MRPL44: variants seen among roughly 807,000 people sequenced by gnomAD.
MRPL44 encodes the protein mitochondrial ribosomal protein L44.
In MRPL44, 21 loss-of-function variants were observed where a neutral mutation model predicts 25.9. That is an observed-to-expected ratio of 0.81 (90% CI 0.58 to 1.17). MRPL44 has a LOEUF of 1.17. MRPL44 is among the 50% of genes most tolerant of loss of function. MRPL44 has a pLI of 0.00. For synonymous variants in MRPL44, 169 were observed against 151.0 expected, an observed-to-expected ratio of 1.12 and a Z score of -0.87; for missense variants, 410 against 398.9, an observed-to-expected ratio of 1.03 and a Z score of -0.24.
At chr2:223,953,425 G>A (rs1689519680), upstream of MRPL44, among the ~76,000 whole-genome samples, 2 of 152,038 alleles carry the variant, frequency 1.3e-5, no homozygotes, top group South Asian at 4.1e-4. Context: ...GAGCCACCGT[G>A]CCAGCCCAGA....
chr2:223,955,692 C>T (rs1310894338), upstream of MRPL44, among the ~76,000 whole-genome samples: 4 of 152,124 alleles, frequency 2.6e-5, no homozygotes, highest in African/African-American at 7.2e-5. Flanking sequence ...AATGAAAACT[C>T]GAAAGTTGTT....
intron 3 of MRPL44, among the ~76,000 whole-genome samples, chr2:223,964,152 A>G (rs1689708675): frequency 1.3e-5 from 2 of 152,206 alleles, no homozygotes; most frequent in South Asian, 4.1e-4. Context: ...TATGCTTAGG[A>G]AGAATCTGAG....
At chr2:223,951,815 G>A in the MRPL44 span, among the ~76,000 whole-genome samples, 1 of 152,086 alleles carries the variant, frequency 6.6e-6, no homozygotes, top group East Asian at 1.9e-4. Context: ...TGTCTATCCC[G>A]CCATCACCTC....
At chr2:223,962,277 C>T (rs571349897) in intron 2 of MRPL44, among the ~76,000 whole-genome samples, 1 of 152,314 alleles carries the variant, frequency 6.6e-6, no homozygotes, top group South Asian at 2.1e-4. Flanking sequence ...ATCCTCCCAC[C>T]TCAGCCTCCC....
chr2:223,950,910 T>A, the MRPL44 span, among the ~76,000 whole-genome samples: 1 of 152,124 alleles, frequency 6.6e-6, no homozygotes, highest in African/African-American at 2.4e-5. Context: ...TAAGAGTACA[T>A]GAAGTCCAAG....
rs35331337 is a variant in MRPL44 at position 223,959,978 on chromosome 2, T to G, written c.624T>G (p.Pro208=). The G allele has an allele frequency of 6.2e-7, 1 of 1,613,226 alleles. No homozygotes were observed. Among genetic ancestry groups the G allele is most frequent in the Non-Finnish European group, 8.5e-7 (1 of 1,179,540 alleles). Residue 208 remains proline (P), a synonymous_variant, in exon 2 of 4, where the codon CCT becomes CCG. Transcript: ENST00000258383. The part of the protein sequence containing the change: ...VIGALLQSSG[P]ERTALFIRDF... ...GAGCCCTGTTACAGAGCAGTGGACC[T>G]GAGAGGACTGCACTTTTCATCAGGG...
upstream of MRPL44, among the ~76,000 whole-genome samples, chr2:223,953,351 T>A (rs1402615560): frequency 6.6e-6 from 1 of 152,088 alleles, no homozygotes; most frequent in African/African-American, 2.4e-5. Context: ...GCCAGGCTGG[T>A]CTTGAACTCC....
At chr2:223,957,785 C>T in intron 1 of MRPL44, 134 bp downstream of exon 1, 1 of 1,075,656 alleles carries the variant, frequency 9.3e-7, no homozygotes, top group Non-Finnish European at 1.3e-6. Context: ...CACCCGTGAG[C>T]TGTGGGCGCG....
upstream of MRPL44, chr2:223,957,371 G>T: frequency 6.8e-7 from 1 of 1,479,212 alleles, no homozygotes; most frequent in Non-Finnish European, 9.4e-7. Flanking sequence ...CTCCGCCCCA[G>T]CCTTCTCTTC....
chr2:223,951,485 T>TTTGTTTTGTTTTTTTTTG, the MRPL44 span, among the ~76,000 whole-genome samples: 5 of 146,432 alleles, frequency 3.4e-5, no homozygotes, highest in East Asian at 9.8e-4. Flanking sequence ...GGAGTTTTTT[T>TTTGTTTTGTTTTTTTTTG]TTTTTTTTTT....
chr2:223,951,478 G>GTTTTTTTTTGTTTTGTT, the MRPL44 span, among the ~76,000 whole-genome samples: 41 of 112,546 alleles, frequency 3.6e-4, 4 homozygotes, highest in South Asian at 2.0e-3. Flanking sequence ...TTACCTTGGA[G>GTTTTTTTTTGTTTTGTT]TTTTTTTTTT....
chr2:223,951,459 T>G, the MRPL44 span, among the ~76,000 whole-genome samples: 2 of 143,406 alleles, frequency 1.4e-5, no homozygotes, highest in Non-Finnish European at 3.1e-5. Flanking sequence ...TATTGTTAAC[T>G]CATGCTTCTT....
At chr2:223,956,982 C>CTT (rs1689572630), upstream of MRPL44, among the ~76,000 whole-genome samples, 1 of 152,040 alleles carries the variant, frequency 6.6e-6, no homozygotes, top group Non-Finnish European at 1.5e-5. Flanking sequence ...CTAGGGTTTC[C>CTT]AAAACTAAGG....
chr2:223,954,371 A>T (rs994611432), upstream of MRPL44, among the ~76,000 whole-genome samples: 2 of 152,252 alleles, frequency 1.3e-5, no homozygotes, highest in Non-Finnish European at 2.9e-5. Context: ...CTATGTAACA[A>T]ATTACTCCAG....
chr2:223,951,483 T>TTTTTTTGTTTTGTTTTG, the MRPL44 span, among the ~76,000 whole-genome samples: 5 of 140,268 alleles, frequency 3.6e-5, no homozygotes, highest in African/African-American at 9.0e-5. Flanking sequence ...TTGGAGTTTT[T>TTTTTTTGTTTTGTTTTG]TTTTTTTTTT....
upstream of MRPL44, among the ~76,000 whole-genome samples, chr2:223,956,993 C>G (rs1426416074): frequency 2.0e-5 from 3 of 152,150 alleles, no homozygotes; most frequent in Non-Finnish European, 2.9e-5. Context: ...AAAACTAAGG[C>G]TTTTGGAGGC....
chr2:223,966,973 C>T lies in MRPL44; in HGVS notation c.938C>T (p.Pro313Leu), dbSNP rs772312630. 5.0e-6 allele frequency: 8 copies of T among 1,613,818 alleles called. No homozygotes were observed. Among genetic ancestry groups the T allele is most frequent in the Middle Eastern group, 1.6e-4 (1 of 6,078 alleles). Reference sequence around the variant, plus strand: ...TATGGATTCACAGAAAATAGACGGCCGTGGAACTATTCCAAGCCCAAAGAA... The same window carrying T: ...TATGGATTCACAGAAAATAGACGGCTGTGGAACTATTCCAAGCCCAAAGAA... ...KLYGFTENRR[P>L]WNYSKPKETL... Residue 313 changes from proline to leucine, a missense_variant, in exon 4 of 4, where the codon CCG becomes CTG. Physicochemically the swap from Pro to Leu is moderately conservative, Grantham distance 98. Transcript: ENST00000258383.
intron 3 of MRPL44, among the ~76,000 whole-genome samples, chr2:223,964,328 G>C (rs1689711863): frequency 6.6e-6 from 1 of 152,100 alleles, no homozygotes; most frequent in Admixed American, 6.5e-5. Context: ...GAAAAGGAAG[G>C]GCCTTAGTTA....
chr2:223,962,776 A>G (rs991812503), intron 2 of MRPL44, among the ~76,000 whole-genome samples: 28 of 152,094 alleles, frequency 1.8e-4, no homozygotes, highest in Non-Finnish European at 2.4e-4. Context: ...ATCTTGGCTC[A>G]CTGCAACCTC....
Sources: gnomAD v4.1 joint callset for allele counts (sites outside exome capture counted in the v4.1 genomes callset) on GRCh38, gnomAD v4.1.1 for gene constraint, MANE v1.5 for transcripts, NCBI Gene and HGNC (gene_info 2026-07-23, HGNC 2026-07-21) for gene names.